PHF14: variants seen among roughly 807,000 people sequenced by gnomAD.
The protein encoded by PHF14 is PHD finger protein 14.
A neutral mutation model predicts 117.9 loss-of-function variants in PHF14; 55 were observed. That is an observed-to-expected ratio of 0.47 (90% CI 0.38 to 0.58). The LOEUF is 0.58. PHF14 is among the 20% of genes least tolerant of loss of function. The pLI is 0.00. For synonymous variants in PHF14, 409 were observed against 368.6 expected (o/e 1.11, Z -1.26); for missense variants, 978 against 1,122.2 (o/e 0.87, Z 1.84).
At position 11,162,723 on chromosome 7, in the gene PHF14, T is replaced by C. The variant is rs1339030356; in HGVS notation, c.2773-6693T>C. Among the ~76,000 whole-genome samples, 3 of 147,068 alleles carry C rather than the reference T, an allele frequency of 2.0e-5. No individual in the cohort carries two copies. In the East Asian group the frequency reaches 6.2e-4, roughly 30 times the overall value. On this transcript the variant is annotated intron_variant, in intron 17 of 17. Coordinates refer to ENST00000634607, the MANE Select transcript of PHF14 (RefSeq NM_001007157.2). ...GTCTTTTTTTTTTTTTTTTTTGATA[T>C]GGAGTTTCGGTCTTGTCGCCCAGGC...
chr7:11,127,812 C>T (rs1664797269), intron 17 of PHF14, among the ~76,000 whole-genome samples: 1 of 152,054 alleles, frequency 6.6e-6, no homozygotes, highest in Non-Finnish European at 1.5e-5. Context: ...ATAGCTTAGA[C>T]CATTTACGAG....
At chr7:10,982,276 C>T (rs1782066796) in intron 2 of PHF14, 96 bp from the exon 3 acceptor site, 2 of 742,570 alleles carry the variant, frequency 2.7e-6, no homozygotes, top group Non-Finnish European at 4.2e-6. Context: ...GCAAGTTATT[C>T]ACAAATTTTG....
intron 3 of PHF14, among the ~76,000 whole-genome samples, chr7:10,989,266 T>C (rs187766099): frequency 1.1e-4 from 16 of 152,324 alleles, no homozygotes; most frequent in Admixed American, 1.0e-3. Flanking sequence ...TGTATTCAAG[T>C]GTCAGTTACA....
Position 11,117,574 on chromosome 7 carries a change from G to A in PHF14, c.2772+6107G>A, listed in dbSNP as rs558366484. On this transcript the variant is annotated intron_variant, in intron 17 of 17. Coordinates refer to ENST00000634607, the MANE Select transcript of PHF14 (RefSeq NM_001007157.2). Reference sequence around the variant, plus strand: ...ATAAATTCTATAACTATGCCCAAACGATATATATAAATATGTATTTATATG... The same window carrying A: ...ATAAATTCTATAACTATGCCCAAACAATATATATAAATATGTATTTATATG... Among the ~76,000 whole-genome samples the A allele has an allele frequency of 1.9e-3, 144 of 74,614 alleles. 1 individual carries two copies. Among genetic ancestry groups the A allele is most frequent in the African/African-American group, 6.2e-3 (136 of 22,070 alleles). 48.9% of individuals were successfully genotyped at this position (74,614 alleles called of 152,430 possible). A position where few individuals can be genotyped will look rare whatever the true frequency, so the allele number is the denominator to read the frequency against.
chr7:10,984,864 G>A (rs1441288294), intron 3 of PHF14, among the ~76,000 whole-genome samples: 1 of 152,018 alleles, frequency 6.6e-6, no homozygotes, highest in Non-Finnish European at 1.5e-5. Flanking sequence ...GTAAATAAAG[G>A]GACCTTTTAT....
At position 11,040,668 on chromosome 7, in the gene PHF14, A is replaced by G. The variant is rs1309965231; in HGVS notation, c.2077-4A>G. ...ATATATACTACATTTGTTCAAATCA[A>G]TAGAAGTTGAATATACCGGCAATTT... On this transcript the variant is annotated splice_polypyrimidine_tract_variant and splice_region_variant and intron_variant, in intron 11 of 17. Transcript: ENST00000634607. 4.0e-6 allele frequency: 6 copies of G among 1,490,000 alleles called. No homozygotes were observed. Among genetic ancestry groups the G allele is most frequent in the Admixed American group, 2.1e-5 (1 of 47,600 alleles). The allele number at this position is 1,490,000 out of a possible 1,614,324, so 92.3% of individuals were successfully genotyped here.
chr7:11,013,705 A>T lies in PHF14; in HGVS notation c.1046-42A>T, dbSNP rs746624028. The T allele has an allele frequency of 6.0e-6, 7 of 1,175,520 alleles. No individual in the cohort carries two copies. In the African/African-American group the frequency reaches 1.1e-4, roughly 18 times the overall value. 72.8% of individuals were successfully genotyped at this position (1,175,520 alleles called of 1,614,324 possible). A position where few individuals can be genotyped will look rare whatever the true frequency, so the allele number is the denominator to read the frequency against. On this transcript the variant is annotated intron_variant, in intron 4 of 17. Coordinates refer to ENST00000634607, the MANE Select transcript of PHF14 (RefSeq NM_001007157.2). ...TTTTGTGATTTTATGTGACTTTAAC[A>T]AAATAAACCCTATTTAATCATAGTG...
intron 17 of PHF14, among the ~76,000 whole-genome samples, chr7:11,145,102 TA>T (rs1788508217): frequency 6.6e-6 from 1 of 151,996 alleles, no homozygotes; most frequent in South Asian, 2.1e-4. Context: ...TGGTAATTTT[TA>T]TGTCTATTTT....
chr7:11,107,320 T>C (rs1024192941), intron 16 of PHF14: 9 of 947,354 alleles, frequency 9.5e-6, no homozygotes, highest in South Asian at 4.9e-5. Flanking sequence ...CTTAATCATA[T>C]ACTAAGTAAG....
At chr7:11,013,165 T>C (rs1159865957) in intron 4 of PHF14, among the ~76,000 whole-genome samples, 1 of 152,090 alleles carries the variant, frequency 6.6e-6, no homozygotes, top group Non-Finnish European at 1.5e-5. Context: ...ATATTTTATA[T>C]TTTTATTTTT....
Position 11,020,323 on chromosome 7 carries a change from C to A in PHF14, c.1206-2545C>A, listed in dbSNP as rs185208113. On this transcript the variant is annotated intron_variant, in intron 5 of 17. Transcript: ENST00000634607. ...CAGGCTGGTCTTGAGCTCCTGGGCT[C>A]AAGCAGTCCTCCCACCTCAGCCTTC... 1.8e-4 allele frequency among the ~76,000 whole-genome samples: 27 copies of A among 152,206 alleles called. 2 individuals carry two copies. The highest frequency in any genetic ancestry group is 6.3e-4 in the African/African-American group (26 of 41,558).
chr7:11,057,571 G>A (rs1583420416), intron 14 of PHF14, among the ~76,000 whole-genome samples: 1 of 151,808 alleles, frequency 6.6e-6, no homozygotes, highest in South Asian at 2.1e-4. Context: ...ATGAGATTTC[G>A]CCATGTTGGC....
chr7:11,146,826 G>T (rs1287964884), intron 17 of PHF14, among the ~76,000 whole-genome samples: 3 of 152,016 alleles, frequency 2.0e-5, no homozygotes, highest in Non-Finnish European at 4.4e-5. Context: ...AATCAACGAT[G>T]CAGCTTTTTT....
intron 17 of PHF14, among the ~76,000 whole-genome samples, chr7:11,155,424 C>T (rs954564018): frequency 2.0e-5 from 3 of 152,108 alleles, no homozygotes; most frequent in Admixed American, 1.3e-4. Flanking sequence ...AGCAGAATTC[C>T]CAACCTTTCT....
chr7:11,112,395 A>C (rs1404109910), intron 17 of PHF14, among the ~76,000 whole-genome samples: 1 of 152,238 alleles, frequency 6.6e-6, no homozygotes, highest in East Asian at 1.9e-4. Context: ...GGCCTTCTGC[A>C]AAAGTTTATT....
chr7:11,063,477 T>C, intron 16 of PHF14: 1 of 982,080 alleles, frequency 1.0e-6, no homozygotes, highest in Non-Finnish European at 1.2e-6. Context: ...GAAAATTCCC[T>C]TGGGGTTGAG....
chr7:11,016,209 T>A (rs942312050), intron 5 of PHF14, among the ~76,000 whole-genome samples: 1 of 152,186 alleles, frequency 6.6e-6, no homozygotes, highest in African/African-American at 2.4e-5. Context: ...TGTCTACACT[T>A]ACCTGTAGGC....
Position 11,040,716 on chromosome 7 carries a change from A to G in PHF14, c.2121A>G (p.Lys707=), listed in dbSNP as rs1379417031. Residue 707 remains lysine, a synonymous_variant, in exon 12 of 18, where the codon AAA becomes AAG. Coordinates refer to ENST00000634607, the MANE Select transcript of PHF14 (RefSeq NM_001007157.2). ...PAILRAPKER[K]PSKKEGGTQK... Reference sequence around the variant, plus strand: ...TTTTGCGAGCACCCAAGGAGAGAAAACCAAGTAAAAAAGAAGGAGGCACAC... The same window carrying G: ...TTTTGCGAGCACCCAAGGAGAGAAAGCCAAGTAAAAAAGAAGGAGGCACAC... 1.3e-6 allele frequency: 2 copies of G among 1,571,180 alleles called. No individual in the cohort carries two copies. Among genetic ancestry groups the G allele is most frequent in the Admixed American group, 1.9e-5 (1 of 54,004 alleles).
chr7:11,143,256 A>G (rs571015737), intron 17 of PHF14, among the ~76,000 whole-genome samples: 1 of 152,272 alleles, frequency 6.6e-6, no homozygotes, highest in East Asian at 1.9e-4. Context: ...TTCATTTAGC[A>G]TAAATGTTTT....
Sources: allele counts gnomAD v4.1 joint callset (sites outside exome capture counted in the v4.1 genomes callset), GRCh38; gene constraint gnomAD v4.1.1; transcripts MANE v1.5; gene names NCBI Gene and HGNC (gene_info 2026-07-23, HGNC 2026-07-21).